Variants in SV2C observed in about 807,000 individuals in gnomAD.
The protein encoded by SV2C is synaptic vesicle glycoprotein 2C.
A neutral mutation model predicts 79.7 loss-of-function variants in SV2C; 49 were observed. The observed-to-expected ratio is 0.61, with a 90% CI of 0.49 to 0.78. SV2C has a LOEUF of 0.78. SV2C is among the 30% of genes least tolerant of loss of function. The pLI is 0.00. For missense variants in SV2C, 833 were observed against 912.9 expected, an observed-to-expected ratio of 0.91 and a Z score of 1.13; for synonymous variants, 334 against 333.2, an observed-to-expected ratio of 1.00 and a Z score of -0.03.
chr5:75,873,366 TAATA>T, the SV2C span, among the ~76,000 whole-genome samples: 3 of 151,078 alleles, frequency 2.0e-5, no homozygotes, highest in Admixed American at 1.3e-4. Flanking sequence ...AAAACACATC[TAATA>T]AATATGTCAT....
chr5:76,144,770 TATTC>T (rs1749366138), intron 2 of SV2C, among the ~76,000 whole-genome samples: 1 of 152,162 alleles, frequency 6.6e-6, no homozygotes, highest in Non-Finnish European at 1.5e-5. Context: ...ATTCAGTAAA[TATTC>T]ATGTAAGCAG....
intron 10 of SV2C, among the ~76,000 whole-genome samples, chr5:76,300,367 T>G (rs1747945898): frequency 6.6e-6 from 1 of 152,080 alleles, no homozygotes; most frequent in Non-Finnish European, 1.5e-5. Flanking sequence ...ACACTATTAG[T>G]ACTATAATGA....
At chr5:76,214,944 T>C (rs957601464) in intron 4 of SV2C, among the ~76,000 whole-genome samples, 9 of 152,258 alleles carry the variant, frequency 5.9e-5, no homozygotes, top group Admixed American at 3.3e-4. Context: ...ATATGTAAGA[T>C]CATGTCACCT....
intron 2 of SV2C, among the ~76,000 whole-genome samples, chr5:76,160,465 C>G (rs1445295035): frequency 6.6e-6 from 1 of 152,140 alleles, no homozygotes; most frequent in Non-Finnish European, 1.5e-5. Flanking sequence ...CCAAGACCAT[C>G]TAATGTAGGA....
chr5:76,350,700 G>A (rs575509860), intron 12 of SV2C, among the ~76,000 whole-genome samples: 81 of 152,308 alleles, frequency 5.3e-4, no homozygotes, highest in Non-Finnish European at 1.0e-3. Flanking sequence ...CAGACAATAA[G>A]TAAACAAATA....
the SV2C span, among the ~76,000 whole-genome samples, chr5:75,996,380 A>G: frequency 9.9e-5 from 15 of 152,152 alleles, no homozygotes; most frequent in Non-Finnish European, 1.5e-5. Flanking sequence ...TGTTTTGGTT[A>G]CTGTAGCCTT....
At chr5:76,000,700 A>G in the SV2C span, among the ~76,000 whole-genome samples, 1 of 152,158 alleles carries the variant, frequency 6.6e-6, no homozygotes, top group Non-Finnish European at 1.5e-5. Context: ...ATGATACCAC[A>G]TCACATCCAG....
the SV2C span, among the ~76,000 whole-genome samples, chr5:75,891,988 C>T: frequency 6.6e-6 from 1 of 152,042 alleles, no homozygotes; most frequent in African/African-American, 2.4e-5. Context: ...ATCTGATCAC[C>T]TGTTTCCTAT....
intron 4 of SV2C, among the ~76,000 whole-genome samples, chr5:76,235,325 G>A (rs77596373): frequency 0.016 from 2,465 of 152,112 alleles, 60 homozygotes; most frequent in African/African-American, 0.056. Context: ...ATGAGGCCCC[G>A]TTAGATTTTC....
chr5:76,150,626 C>CTTTTTTTTTTTTTTT, intron 2 of SV2C, among the ~76,000 whole-genome samples: 1 of 56,454 alleles, frequency 1.8e-5, no homozygotes, highest in Non-Finnish European at 2.9e-5. Flanking sequence ...TCATCAAATT[C>CTTTTTTTTTTTTTTT]TTTTTTTTTT....
At chr5:75,978,947 A>G in the SV2C span, among the ~76,000 whole-genome samples, 5 of 151,980 alleles carry the variant, frequency 3.3e-5, no homozygotes, top group Non-Finnish European at 7.4e-5. Flanking sequence ...ATGCCACTGC[A>G]CTCCAGCCTG....
the SV2C span, among the ~76,000 whole-genome samples, chr5:76,003,210 G>T: frequency 0.46 from 69,192 of 151,916 alleles, 16,639 homozygotes; most frequent in Middle Eastern, 0.62. Flanking sequence ...GTGAGTCAAT[G>T]AAACCTTAAA....
the SV2C span, among the ~76,000 whole-genome samples, chr5:75,901,667 T>C: frequency 3.9e-5 from 6 of 152,246 alleles, no homozygotes; most frequent in African/African-American, 1.4e-4. Context: ...TGTCTTTTTC[T>C]TTGTCTGTGC....
chr5:76,342,365 A>T (rs538105504), intron 12 of SV2C, among the ~76,000 whole-genome samples: 1 of 152,330 alleles, frequency 6.6e-6, no homozygotes, highest in South Asian at 2.1e-4. Context: ...CACCAGGAGA[A>T]GGAGTCCTGC....
intron 1 of SV2C, among the ~76,000 whole-genome samples, chr5:76,109,553 C>A (rs1748034781): frequency 1.3e-5 from 2 of 152,096 alleles, no homozygotes; most frequent in African/African-American, 4.8e-5. Context: ...GTGAATGTGC[C>A]CTTGTTTGGA....
the SV2C span, among the ~76,000 whole-genome samples, chr5:75,920,035 A>G: frequency 1.3e-5 from 2 of 152,220 alleles, no homozygotes; most frequent in South Asian, 2.1e-4. Context: ...AGACCAAAAC[A>G]TAGGTGGGTG....
intron 4 of SV2C, among the ~76,000 whole-genome samples, chr5:76,269,678 TG>T (rs1268420515): frequency 1.3e-5 from 2 of 152,218 alleles, no homozygotes; most frequent in Non-Finnish European, 2.9e-5. Context: ...CTGCAAGTTC[TG>T]GGAACTAGCA....
the SV2C span, among the ~76,000 whole-genome samples, chr5:75,936,247 C>T: frequency 2.6e-5 from 4 of 152,170 alleles, no homozygotes; most frequent in African/African-American, 9.7e-5. Flanking sequence ...TCTCCTGACA[C>T]ATCTGCACAA....
chr5:76,164,964 G>C (rs1292955563), intron 2 of SV2C, among the ~76,000 whole-genome samples: 1 of 151,956 alleles, frequency 6.6e-6, no homozygotes, highest in Non-Finnish European at 1.5e-5. Flanking sequence ...TATGTAAATA[G>C]TTGTTATACT....
Sources: gnomAD v4.1 joint callset for allele counts (sites outside exome capture counted in the v4.1 genomes callset) on GRCh38, gnomAD v4.1.1 for gene constraint, MANE v1.5 for transcripts, NCBI Gene and HGNC (gene_info 2026-07-23, HGNC 2026-07-21) for gene names.